PABPC1L: variants seen among roughly 807,000 people sequenced by gnomAD.
PABPC1L encodes the protein poly(A) binding protein cytoplasmic 1 like.
In PABPC1L, 31 loss-of-function variants were observed where a neutral mutation model predicts 66.6. The ratio of observed to expected loss-of-function variants is 0.47; its 90% CI spans 0.35 to 0.63. The LOEUF is 0.63. PABPC1L is among the 20% of genes least tolerant of loss of function. PABPC1L has a pLI of 0.00. For synonymous variants in PABPC1L, 348 were observed against 335.1 expected, an observed-to-expected ratio of 1.04 and a Z score of -0.42; for missense variants, 722 against 848.8, an observed-to-expected ratio of 0.85 and a Z score of 1.86.
At chr20:44,920,618 G>A (rs867770135) in intron 5 of PABPC1L, among the ~76,000 whole-genome samples, 6 of 151,720 alleles carry the variant, frequency 4.0e-5, no homozygotes, top group South Asian at 2.1e-4. Context: ...ACAGGCGCCC[G>A]CCACCATGCC....
intron 8 of PABPC1L, 101 bp downstream of exon 8, chr20:44,930,827 C>A (rs529063930): frequency 4.1e-6 from 6 of 1,470,878 alleles, no homozygotes; most frequent in Admixed American, 4.3e-5. Context: ...TTCTAACTTG[C>A]TTCTGCCGAG....
intron 6 of PABPC1L, 102 bp downstream of exon 6, chr20:44,921,833 C>T: frequency 1.3e-6 from 2 of 1,546,672 alleles, no homozygotes; most frequent in Non-Finnish European, 1.7e-6. Flanking sequence ...TACTTCTGGG[C>T]ACTTGGCTCA....
chr20:44,928,649 G>A (rs2066827133), intron 7 of PABPC1L, among the ~76,000 whole-genome samples: 1 of 151,806 alleles, frequency 6.6e-6, no homozygotes, highest in South Asian at 2.1e-4. Flanking sequence ...TAAGAGCGTG[G>A]GCTCACCAGG....
chr20:44,926,838 T>C (rs139311652), intron 7 of PABPC1L, among the ~76,000 whole-genome samples: 1,829 of 151,744 alleles, frequency 0.012, 31 homozygotes, highest in African/African-American at 0.039. Flanking sequence ...TGAACCACTG[T>C]GCCTGGCCTA....
At chr20:44,920,385 ACTATGTCAC>A (rs2066764708) in intron 5 of PABPC1L, among the ~76,000 whole-genome samples, 1 of 152,128 alleles carries the variant, frequency 6.6e-6, no homozygotes, top group South Asian at 2.1e-4. Context: ...TGGGACAGAG[ACTATGTCAC>A]CTAGACTGGC....
At chr20:44,912,347 GTTT>G (rs749919780) in intron 1 of PABPC1L, among the ~76,000 whole-genome samples, 1 of 152,158 alleles carries the variant, frequency 6.6e-6, no homozygotes, top group Non-Finnish European at 1.5e-5. Context: ...GACCTTTCAT[GTTT>G]CTTATTCTCA....
In PABPC1L at chr20:44,936,733, G is replaced by A. The variant is rs1235717003; in HGVS notation, c.1660+3G>A. The stretch of plus-strand genomic sequence containing the variant: ...GCATGAGCAAAAGCAGATGATTGGT[G>A]AGTGGCTGGTTCTCCTACTGTGGAG... On this transcript the variant is annotated splice_donor_region_variant and intron_variant, in intron 12 of 14. Coordinates refer to ENST00000217073, the MANE Select transcript of PABPC1L (RefSeq NM_001372179.1). The A allele has an allele frequency of 1.2e-6, 2 of 1,603,240 alleles. No individual in the cohort carries two copies. The highest frequency in any genetic ancestry group is 2.7e-5 in the African/African-American group (2 of 74,844).
chr20:44,923,964 G>A (rs1404780302), intron 6 of PABPC1L, among the ~76,000 whole-genome samples, 197 bp from the exon 7 acceptor site: 1 of 152,208 alleles, frequency 6.6e-6, no homozygotes. Flanking sequence ...GGGAATTTGG[G>A]ATGTGGGGGC....
intron 8 of PABPC1L, 137 bp downstream of exon 8, chr20:44,930,863 C>A: frequency 8.2e-7 from 1 of 1,220,096 alleles, no homozygotes; most frequent in East Asian, 2.4e-5. Context: ...CTTTGTTTCC[C>A]TCTCTATAAA....
At chr20:44,937,693 G>T (rs1218093823) in intron 12 of PABPC1L, 3 of 205,596 alleles carry the variant, frequency 1.5e-5, no homozygotes, top group African/African-American at 2.4e-5. Context: ...GTGATTACAG[G>T]TGTGAGCCAC....
At chr20:44,914,982 T>A (rs189796409) in intron 2 of PABPC1L, among the ~76,000 whole-genome samples, 1 of 152,196 alleles carries the variant, frequency 6.6e-6, no homozygotes, top group African/African-American at 2.4e-5. Flanking sequence ...AAGGGAAGTA[T>A]GTAATGCCCT....
intron 3 of PABPC1L, among the ~76,000 whole-genome samples, chr20:44,918,033 A>G (rs1351862801): frequency 6.6e-6 from 1 of 152,216 alleles, no homozygotes; most frequent in Non-Finnish European, 1.5e-5. Flanking sequence ...AACTTTTAAA[A>G]TTAATCTTGT....
Position 44,921,599 on chromosome 20 carries a change from G to A in PABPC1L, c.744G>A (p.Val248=), listed in dbSNP as rs773706759. 13 of 1,614,044 alleles carry A rather than the reference G, an allele frequency of 8.1e-6. No individual in the cohort carries two copies. The South Asian group carries it at 9.9e-5, about 12-fold the overall frequency. Residue 248 remains valine, a synonymous_variant, in exon 6 of 15, where the codon GTG becomes GTA. Transcript: ENST00000217073. ...TTCCCTCCTCCTTTCCCCAGGCCGT[G>A]GTCCATATGAACGGGAAGGAGGTGA... is the stretch of plus-strand genomic sequence containing the variant. ...FEKHEEAQKA[V]VHMNGKEVSG...
chr20:44,931,079 C>T (rs976202603), intron 8 of PABPC1L, among the ~76,000 whole-genome samples: 850 of 57,692 alleles, frequency 0.015, 37 homozygotes, highest in African/African-American at 0.04. Flanking sequence ...CTCCCTCCCT[C>T]CCTCCCTCCC....
chr20:44,939,011 G>A, intron 14 of PABPC1L, 115 bp from the exon 15 acceptor site: 1 of 697,544 alleles, frequency 1.4e-6, no homozygotes, highest in East Asian at 2.7e-5. Flanking sequence ...CCAGGGCCCT[G>A]CCTGGCTCCA....
intron 3 of PABPC1L, 42 bp from the exon 4 acceptor site, chr20:44,918,864 G>T (rs772081945): frequency 1.3e-6 from 2 of 1,531,156 alleles, no homozygotes; most frequent in South Asian, 2.6e-5. Context: ...GCTGATGGCT[G>T]GTAGCTGTCC....
chr20:44,928,012 G>A (rs925555640), intron 7 of PABPC1L, among the ~76,000 whole-genome samples: 3 of 151,984 alleles, frequency 2.0e-5, no homozygotes, highest in African/African-American at 7.2e-5. Context: ...AAATCATACT[G>A]AAAAAATATA....
rs2066844984 is a variant in PABPC1L, at chr20:44,930,614, C to T, written c.1127C>T (p.Ala376Val). 6.2e-7 allele frequency: 1 copy of T among 1,614,250 alleles called. No individual in the cohort carries two copies. Among genetic ancestry groups the T allele is most frequent in the Non-Finnish European group, 8.5e-7 (1 of 1,180,048 alleles). The change falls in exon 8 of 15, where the codon GCC becomes GTC. Residue 376 changes from alanine (A) to valine (V), a missense_variant. Physicochemically the swap from Ala to Val is moderately conservative, Grantham distance 64. This residue lies in a region of PABPC1L where 301 missense variants were observed against 337.2 expected (regional missense o/e 0.89). Transcript: ENST00000217073. ...GCCCAGCGCAAAGAGGAGCGGAAGG[C>T]CATCTTGACCAACCAGTACATGCAG... Reference protein sequence around the residue: ...ALAQRKEERKAILTNQYMQRL... With the variant: ...ALAQRKEERKVILTNQYMQRL...
rs1361363437 is a variant in PABPC1L at position 44,924,027 on chromosome 20, G to A, written c.877-134G>A. On this transcript the variant is annotated intron_variant, in intron 6 of 14. Transcript: ENST00000217073. Reference sequence around the variant, plus strand: ...AGGGATGGGGGTACCTGGGTGCTGAGGGAGACGGGGAGCAGGAGGCTGGGC... The same window carrying A: ...AGGGATGGGGGTACCTGGGTGCTGAAGGAGACGGGGAGCAGGAGGCTGGGC... The A allele has an allele frequency of 4.2e-6, 3 of 712,588 alleles. No individual in the cohort carries two copies. The African/African-American group carries it at 5.3e-5, about 12-fold the overall frequency. The allele number at this position is 712,588 out of a possible 1,614,324, so 44.1% of individuals were successfully genotyped here. A position where few individuals can be genotyped will look rare whatever the true frequency, so the allele number is the denominator to read the frequency against.
Sources: allele counts gnomAD v4.1 joint callset (sites outside exome capture counted in the v4.1 genomes callset), GRCh38; gene constraint gnomAD v4.1.1; regional missense constraint gnomAD v4.1.1; transcripts MANE v1.5; gene names NCBI Gene and HGNC (gene_info 2026-07-23, HGNC 2026-07-21).